The following ARNT2 variants were observed in gnomAD, a reference collection of about 807,000 sequenced individuals.
ARNT2 encodes aryl hydrocarbon receptor nuclear translocator 2.
In ARNT2, 36 loss-of-function variants were observed where a neutral mutation model predicts 91.7. The ratio of observed to expected loss-of-function variants is 0.39; its 90% CI spans 0.30 to 0.52. The LOEUF (loss-of-function observed/expected upper bound fraction) is 0.52, where lower values mean the gene tolerates loss of function less well. ARNT2 is among the 20% of genes least tolerant of loss of function. The probability of loss-of-function intolerance (pLI) is 0.72; values close to 1 mark genes in which losing one functional copy is unlikely to be tolerated. For synonymous variants in ARNT2, 365 were observed against 347.1 expected (o/e 1.05, Z -0.57); for missense variants, 775 against 939.3 (o/e 0.83, Z 2.29).
At position 80,589,210 on chromosome 15, in the gene ARNT2, TTCAA is replaced by T. The variant is rs561673655; in HGVS notation, c.1919-2357_1919-2354del. 2.2e-3 allele frequency among the ~76,000 whole-genome samples: 333 copies of T among 152,226 alleles called. 2 individuals carry two copies. Among genetic ancestry groups the T allele is most frequent in the Middle Eastern group, 6.8e-3 (2 of 292 alleles). On this transcript the variant is annotated intron_variant, in intron 17 of 18. Coordinates refer to ENST00000303329, the MANE Select transcript of ARNT2 (RefSeq NM_014862.4). The stretch of plus-strand genomic sequence containing the variant: ...CAGTCCTAGAAGTCAACAAGATAGT[TTCAA>T]ACAGAATGATCAAGAGTGTTGGATA...
chr15:80,503,959 C>A (rs1289193213), intron 5 of ARNT2, among the ~76,000 whole-genome samples: 1 of 152,200 alleles, frequency 6.6e-6, no homozygotes, highest in Non-Finnish European at 1.5e-5. Flanking sequence ...GCTGACCAGG[C>A]ACAGTCCTAG....
chr15:80,466,776 G>C (rs74027978), intron 3 of ARNT2, among the ~76,000 whole-genome samples: 1,735 of 152,284 alleles, frequency 0.011, 28 homozygotes, highest in African/African-American at 0.039. Context: ...ACATTCTGCT[G>C]GTAACTCAGT....
At chr15:80,554,970 T>C (rs1478229562) in intron 10 of ARNT2, 95 bp from the exon 11 acceptor site, 4 of 1,365,534 alleles carry the variant, frequency 2.9e-6, no homozygotes, top group Non-Finnish European at 4.2e-6. Flanking sequence ...GGAGATGAGT[T>C]AAAGGAGATG....
At position 80,414,991 on chromosome 15, in the gene ARNT2, C is replaced by CA. The variant is rs560190804; in HGVS notation, c.31+10448dup. Among the ~76,000 whole-genome samples, 395 of 152,318 alleles carry CA rather than the reference C, an allele frequency of 2.6e-3. 1 individual carries two copies. The highest frequency in any genetic ancestry group is 0.014 in the Middle Eastern group (4 of 292). On this transcript the variant is annotated intron_variant, in intron 1 of 18. Coordinates refer to ENST00000303329, the MANE Select transcript of ARNT2 (RefSeq NM_014862.4). ...CACTGGACACTTATGCAAATTTATG[C>CA]AAATGACTGACCAACCATTGGTGAA...
At chr15:80,461,561 C>A (rs960726072) in intron 3 of ARNT2, among the ~76,000 whole-genome samples, 1 of 152,042 alleles carries the variant, frequency 6.6e-6, no homozygotes, top group African/African-American at 2.4e-5. Context: ...AGAGGCTGGC[C>A]GAGGTCCAGT....
At chr15:80,586,434 A>G (rs1207374516) in intron 17 of ARNT2, among the ~76,000 whole-genome samples, 1 of 152,078 alleles carries the variant, frequency 6.6e-6, no homozygotes, top group African/African-American at 2.4e-5. Context: ...ACAATAGATA[A>G]ACAACTCTGG....
chr15:80,593,581 CT>C lies in ARNT2; in HGVS notation c.2056-15del. 2 of 1,565,592 alleles carry C rather than the reference CT, an allele frequency of 1.3e-6. No homozygotes were observed. The highest frequency in any genetic ancestry group is 1.7e-6 in the Non-Finnish European group (2 of 1,151,896). ...GAGGAGCTGACTCCCCTGTGGCTCT[CT>C]TTTCCTCTCCTCTGCAGGACATGCT... On this transcript the variant is annotated intron_variant, in intron 18 of 18. Transcript: ENST00000303329.
intron 1 of ARNT2, among the ~76,000 whole-genome samples, chr15:80,438,288 G>A (rs1896124487): frequency 6.6e-6 from 1 of 152,184 alleles, no homozygotes; most frequent in Non-Finnish European, 1.5e-5. Flanking sequence ...TTTGGTGGAG[G>A]AATGAACTAC....
At chr15:80,461,509 G>A (rs79918360) in intron 3 of ARNT2, among the ~76,000 whole-genome samples, 6,239 of 152,322 alleles carry the variant, frequency 0.041, 164 homozygotes, top group South Asian at 0.092. Context: ...GGCTGGAAAA[G>A]TAGGAAGTTG....
At chr15:80,426,988 A>G (rs887610144) in intron 1 of ARNT2, among the ~76,000 whole-genome samples, 1 of 152,100 alleles carries the variant, frequency 6.6e-6, no homozygotes, top group Non-Finnish European at 1.5e-5. Flanking sequence ...ACCCTCATTC[A>G]TGACCTCATA....
chr15:80,475,090 G>A lies in ARNT2; in HGVS notation c.489G>A (p.Val163=), dbSNP rs1166614915. 5 of 1,614,072 alleles carry A rather than the reference G, an allele frequency of 3.1e-6. No homozygotes were observed. Among genetic ancestry groups the A allele is most frequent in the Non-Finnish European group, 4.2e-6 (5 of 1,180,048 alleles). Residue 163 remains valine, a synonymous_variant, in exon 5 of 19, where the codon GTG becomes GTA. Transcript: ENST00000303329. ...VAAETGRVIY[V]SDSVTPVLNQ... ...CTGAGACAGGGCGAGTGATTTATGTGTCTGACTCCGTCACCCCTGTTCTGA... is the reference window on the plus strand; with the variant it reads ...CTGAGACAGGGCGAGTGATTTATGTATCTGACTCCGTCACCCCTGTTCTGA...
intron 11 of ARNT2, among the ~76,000 whole-genome samples, chr15:80,559,321 C>CCCCAGA (rs763546068): frequency 4.0e-5 from 6 of 150,088 alleles, no homozygotes; most frequent in African/African-American, 7.4e-5. Context: ...GCAGTCCCAG[C>CCCCAGA]CCCAGACCCA....
chr15:80,576,757 G>A (rs998391706), intron 14 of ARNT2, 109 bp from the exon 15 acceptor site: 1 of 1,140,934 alleles, frequency 8.8e-7, no homozygotes. Context: ...GCCCTGACTT[G>A]TGTCCTCCCG....
intron 8 of ARNT2, among the ~76,000 whole-genome samples, chr15:80,544,409 A>G (rs1431441671): frequency 2.0e-5 from 3 of 152,010 alleles, no homozygotes; most frequent in African/African-American, 4.8e-5. Context: ...GCTCTTGTTC[A>G]TTGCCTGATA....
At chr15:80,486,104 T>C (rs149321052) in intron 5 of ARNT2, among the ~76,000 whole-genome samples, 47 of 152,304 alleles carry the variant, frequency 3.1e-4, no homozygotes, top group Non-Finnish European at 5.6e-4. Flanking sequence ...TGCCATTCCT[T>C]GTAGACACAT....
chr15:80,416,642 GTTTT>G (rs756202401), intron 1 of ARNT2, among the ~76,000 whole-genome samples: 5 of 143,584 alleles, frequency 3.5e-5, no homozygotes, highest in Admixed American at 1.4e-4. Flanking sequence ...TTGTTTGTTT[GTTTT>G]TTTCTTTCAT....
chr15:80,559,775 C>T (rs1301468208), intron 11 of ARNT2, among the ~76,000 whole-genome samples: 1 of 152,184 alleles, frequency 6.6e-6, no homozygotes, highest in African/African-American at 2.4e-5. Context: ...CACTCAGGCA[C>T]CTTCCATGAT....
At chr15:80,486,837 G>A (rs1039670090) in intron 5 of ARNT2, among the ~76,000 whole-genome samples, 1 of 152,200 alleles carries the variant, frequency 6.6e-6, no homozygotes. Flanking sequence ...GCTGTGGGTG[G>A]TGTGGGATTT....
chr15:80,516,143 T>C (rs1191803197), intron 8 of ARNT2, among the ~76,000 whole-genome samples: 1 of 152,210 alleles, frequency 6.6e-6, no homozygotes, highest in East Asian at 1.9e-4. Context: ...AGTGCTGGGA[T>C]GACAGGCGTG....
Sources: allele counts gnomAD v4.1 joint callset (sites outside exome capture counted in the v4.1 genomes callset), GRCh38; gene constraint gnomAD v4.1.1; transcripts MANE v1.5; gene names NCBI Gene and HGNC (gene_info 2026-07-23, HGNC 2026-07-21).